The following DSCAM variants were observed in gnomAD, a reference collection of about 807,000 sequenced individuals.
DSCAM encodes the protein cell adhesion molecule DSCAM.
In DSCAM, 47 loss-of-function variants were observed where a neutral mutation model predicts 217.7. That is an observed-to-expected ratio of 0.22 (90% CI 0.17 to 0.28). The LOEUF (loss-of-function observed/expected upper bound fraction) is 0.28, where lower values mean the gene tolerates loss of function less well. Ranked by LOEUF, DSCAM falls within the 10% of genes least tolerant of loss-of-function variation. The pLI is 1.00. For missense variants in DSCAM, 2,080 were observed against 2,618.3 expected (o/e 0.79, Z 4.49); for synonymous variants, 1,056 against 1,015.3 (o/e 1.04, Z -0.76).
intron 3 of DSCAM, among the ~76,000 whole-genome samples, chr21:40,543,026 T>A (rs1420675588): frequency 6.6e-6 from 1 of 152,214 alleles, no homozygotes; most frequent in Admixed American, 6.5e-5. Context: ...GAGATATTTA[T>A]CTGATTCATT....
chr21:40,502,130 A>ATT (rs2076174706), intron 3 of DSCAM, among the ~76,000 whole-genome samples: 1 of 152,160 alleles, frequency 6.6e-6, no homozygotes, highest in Non-Finnish European at 1.5e-5. Context: ...CATGTTTTAA[A>ATT]ATTATTAATA....
intron 3 of DSCAM, among the ~76,000 whole-genome samples, chr21:40,668,598 G>A (rs969971018): frequency 6.6e-6 from 1 of 152,102 alleles, no homozygotes; most frequent in Non-Finnish European, 1.5e-5. Flanking sequence ...AGAATCCTAG[G>A]CCCCACACCA....
chr21:40,388,183 G>A (rs1247647464), intron 3 of DSCAM, among the ~76,000 whole-genome samples: 1 of 152,178 alleles, frequency 6.6e-6, no homozygotes, highest in African/African-American at 2.4e-5. Context: ...GGAACTAAAG[G>A]ATGTGCTTCC....
At chr21:40,131,991 A>G (rs929158184) in intron 19 of DSCAM, among the ~76,000 whole-genome samples, 1 of 152,252 alleles carries the variant, frequency 6.6e-6, no homozygotes, top group Non-Finnish European at 1.5e-5. Flanking sequence ...AGGATCTGTG[A>G]AGAGCCTTCC....
At chr21:40,732,477 C>T (rs1169811451) in intron 1 of DSCAM, among the ~76,000 whole-genome samples, 5 of 152,226 alleles carry the variant, frequency 3.3e-5, no homozygotes, top group East Asian at 1.9e-4. Context: ...ATGCATGTTT[C>T]TCTGCCTTAG....
chr21:40,587,677 T>C (rs1483280225), intron 3 of DSCAM, among the ~76,000 whole-genome samples: 1 of 152,228 alleles, frequency 6.6e-6, no homozygotes, highest in Non-Finnish European at 1.5e-5. Flanking sequence ...AGCACAAGTT[T>C]TAGCCCAAAT....
rs192343059 is a variant in DSCAM, at chr21:40,808,691, G to T, written c.43+37928C>A. On this transcript the variant is annotated intron_variant, in intron 1 of 32. Transcript: ENST00000400454. Reference sequence around the variant, plus strand: ...GGATTTCACCATGCTGCTCAGGCAGGTCTCAAACTCTGGGTTCAAACAATC... The same window carrying T: ...GGATTTCACCATGCTGCTCAGGCAGTTCTCAAACTCTGGGTTCAAACAATC... Among the ~76,000 whole-genome samples, 26 of 152,108 alleles carry T rather than the reference G, an allele frequency of 1.7e-4. 1 individual carries two copies. The East Asian group carries it at 4.9e-3, about 28-fold the overall frequency.
At chr21:40,818,022 G>A (rs2091896049) in intron 1 of DSCAM, among the ~76,000 whole-genome samples, 2 of 144,896 alleles carry the variant, frequency 1.4e-5, no homozygotes, top group South Asian at 2.2e-4. Flanking sequence ...CGTGAACCCG[G>A]GAGGCGGAGC....
At chr21:40,112,643 A>C (rs1215195369) in intron 20 of DSCAM, among the ~76,000 whole-genome samples, 1 of 152,150 alleles carries the variant, frequency 6.6e-6, no homozygotes, top group Non-Finnish European at 1.5e-5. Flanking sequence ...TTTTTTGAAA[A>C]GATCAACAAA....
Position 40,511,982 on chromosome 21 carries a change from C to T in DSCAM, c.509-142737G>A, listed in dbSNP as rs867417021. Among the ~76,000 whole-genome samples, 10 of 23,584 alleles carry T rather than the reference C, an allele frequency of 4.2e-4. No individual in the cohort carries two copies. In the South Asian group the frequency reaches 1.0e-2, roughly 23 times the overall value. 15.5% of individuals were successfully genotyped at this position (23,584 alleles called of 152,430 possible). ...CTCCAGCCTGGGCGACAGAGTGAGA[C>T]TCTGTCTCAAAAAAAAAAAAAAAAA... On this transcript the variant is annotated intron_variant, in intron 3 of 32. Transcript: ENST00000400454.
At chr21:40,591,262 T>C (rs1319745110) in intron 3 of DSCAM, among the ~76,000 whole-genome samples, 2 of 152,194 alleles carry the variant, frequency 1.3e-5, no homozygotes, top group Non-Finnish European at 2.9e-5. Flanking sequence ...ACTTTTTCCT[T>C]TATTAATTAC....
chr21:40,833,129 C>G (rs2092025527), intron 1 of DSCAM, among the ~76,000 whole-genome samples: 1 of 152,104 alleles, frequency 6.6e-6, no homozygotes, highest in Non-Finnish European at 1.5e-5. Context: ...GGAAGGCAAA[C>G]AGCGAAAAGT....
Position 40,575,869 on chromosome 21 carries a change from C to G in DSCAM, c.508+116941G>C, listed in dbSNP as rs1432671657. The stretch of plus-strand genomic sequence containing the variant: ...TGTCACTTCCCAGAAGAAGACATAT[C>G]ACGTCCAATGAGCACATGTAACAGC... On this transcript the variant is annotated intron_variant, in intron 3 of 32. Coordinates refer to ENST00000400454, the MANE Select transcript of DSCAM (RefSeq NM_001389.5). 2.0e-5 allele frequency among the ~76,000 whole-genome samples: 3 copies of G among 151,980 alleles called. No individual in the cohort carries two copies. In the East Asian group the frequency reaches 5.8e-4, roughly 29 times the overall value.
At chr21:40,078,621 G>A in intron 26 of DSCAM, 66 bp downstream of exon 26, 1 of 1,557,880 alleles carries the variant, frequency 6.4e-7, no homozygotes. Context: ...CGATGGGAAA[G>A]GGGCAGGGCC....
At chr21:40,432,537 C>T (rs911580682) in intron 3 of DSCAM, among the ~76,000 whole-genome samples, 1 of 152,178 alleles carries the variant, frequency 6.6e-6, no homozygotes, top group African/African-American at 2.4e-5. Context: ...TCTATAAAGT[C>T]CTTTTTCCCA....
intron 11 of DSCAM, among the ~76,000 whole-genome samples, chr21:40,263,179 A>G (rs2073477086): frequency 1.3e-5 from 2 of 152,230 alleles, no homozygotes; most frequent in South Asian, 4.1e-4. Context: ...AAGACAATAA[A>G]GAGAAGTTTC....
intron 3 of DSCAM, among the ~76,000 whole-genome samples, chr21:40,636,324 C>A (rs755409564): frequency 1.5e-4 from 23 of 151,764 alleles, no homozygotes; most frequent in Non-Finnish European, 2.8e-4. Context: ...AAATACATTT[C>A]CATGATTTTC....
At chr21:40,717,284 C>T (rs1036651679) in intron 1 of DSCAM, among the ~76,000 whole-genome samples, 1 of 152,136 alleles carries the variant, frequency 6.6e-6, no homozygotes, top group Non-Finnish European at 1.5e-5. Flanking sequence ...GTGTCAGGTG[C>T]CAAGCTAAAA....
At chr21:40,763,528 T>C (rs1300966327) in intron 1 of DSCAM, among the ~76,000 whole-genome samples, 1 of 152,168 alleles carries the variant, frequency 6.6e-6, no homozygotes, top group African/African-American at 2.4e-5. Context: ...CCCAAAATAA[T>C]TTATAGATTA....
Sources: allele counts gnomAD v4.1 joint callset (sites outside exome capture counted in the v4.1 genomes callset), GRCh38; gene constraint gnomAD v4.1.1; transcripts MANE v1.5; gene names NCBI Gene and HGNC (gene_info 2026-07-23, HGNC 2026-07-21).